ERP44: variants seen among roughly 807,000 people sequenced by gnomAD.
ERP44 encodes the protein endoplasmic reticulum resident protein 44.
In ERP44, 25 loss-of-function variants were observed where a neutral mutation model predicts 53.4. The ratio of observed to expected loss-of-function variants is 0.47; its 90% CI spans 0.34 to 0.65. The LOEUF (loss-of-function observed/expected upper bound fraction) is 0.65. Among genes scored for constraint, ERP44 ranks in the 30% least tolerant of loss-of-function variants. The pLI is 0.01. For synonymous variants in ERP44, 145 were observed against 161.2 expected, an observed-to-expected ratio of 0.90 and a Z score of 0.76; for missense variants, 338 against 493.2, an observed-to-expected ratio of 0.69 and a Z score of 2.98.
intron 10 of ERP44, among the ~76,000 whole-genome samples, chr9:99,988,827 C>CAAATACTG (rs1378297620): frequency 6.6e-6 from 1 of 152,212 alleles, no homozygotes; most frequent in African/African-American, 2.4e-5. Flanking sequence ...CATTCCCACC[C>CAAATACTG]AAATACTGCG....
intron 2 of ERP44, among the ~76,000 whole-genome samples, chr9:100,059,032 G>T (rs1826114160): frequency 6.6e-6 from 1 of 152,164 alleles, no homozygotes; most frequent in African/African-American, 2.4e-5. Flanking sequence ...CAGTTTCCTA[G>T]CAGTATAGAT....
intron 1 of ERP44, among the ~76,000 whole-genome samples, chr9:100,069,795 TAAAAA>T (rs1169689355): frequency 6.6e-6 from 1 of 152,092 alleles, no homozygotes; most frequent in African/African-American, 2.4e-5. Flanking sequence ...CATGGACAAA[TAAAAA>T]GAAACAAAAT....
chr9:100,092,436 A>G (rs919975812), intron 1 of ERP44, among the ~76,000 whole-genome samples: 1 of 152,222 alleles, frequency 6.6e-6, no homozygotes, highest in Non-Finnish European at 1.5e-5. Flanking sequence ...GAATCATTGA[A>G]TCATCAAATC....
intron 1 of ERP44, among the ~76,000 whole-genome samples, chr9:100,093,136 C>T (rs1826580366): frequency 6.6e-6 from 1 of 152,084 alleles, no homozygotes; most frequent in African/African-American, 2.4e-5. Context: ...AGCTACAGTG[C>T]ATTTAAAGGT....
chr9:100,093,481 TA>T (rs1011246814), intron 1 of ERP44, among the ~76,000 whole-genome samples: 7 of 152,116 alleles, frequency 4.6e-5, no homozygotes, highest in Non-Finnish European at 1.0e-4. Flanking sequence ...CTATCTCTAC[TA>T]AAAATACAAA....
intron 4 of ERP44, among the ~76,000 whole-genome samples, chr9:100,042,499 A>G (rs1453681286): frequency 1.3e-5 from 2 of 151,954 alleles, no homozygotes; most frequent in East Asian, 1.9e-4. Context: ...AACAGTTTGG[A>G]GGTGACTCAA....
At chr9:100,086,578 T>C (rs914328568) in intron 1 of ERP44, among the ~76,000 whole-genome samples, 3 of 152,244 alleles carry the variant, frequency 2.0e-5, no homozygotes, top group African/African-American at 4.8e-5. Context: ...CATCATACAA[T>C]GTCCTTTACA....
Position 100,022,104 on chromosome 9 carries a change from T to G in ERP44, c.409A>C (p.Arg137=). ...TGAATGGGGTCACTTTTTTGTTGCC[T>G]GATGTAATCTGCCAATGCTTTCACT... ...RSVKALADYI[R]QQKSDPIQEI... Residue 137 remains arginine (R), a synonymous_variant, in exon 5 of 12, where the codon AGG becomes CGG. Transcript: ENST00000262455. The G allele has an allele frequency of 6.2e-7, 1 of 1,613,940 alleles. No individual in the cohort carries two copies. Among genetic ancestry groups the G allele is most frequent in the Non-Finnish European group, 8.5e-7 (1 of 1,179,894 alleles).
At chr9:100,049,028 T>TA (rs869159741) in intron 4 of ERP44, among the ~76,000 whole-genome samples, 31 of 152,102 alleles carry the variant, frequency 2.0e-4, no homozygotes, top group Non-Finnish European at 4.3e-4. Flanking sequence ...ACAATTTTTT[T>TA]AAAAAAATAC....
intron 4 of ERP44, among the ~76,000 whole-genome samples, chr9:100,039,169 C>T (rs182036354): frequency 6.6e-6 from 1 of 152,248 alleles, no homozygotes; most frequent in African/African-American, 2.4e-5. Flanking sequence ...AGTTAACCTG[C>T]ACTATAAACC....
chr9:100,042,893 A>G (rs1825921695), intron 4 of ERP44, among the ~76,000 whole-genome samples: 1 of 151,900 alleles, frequency 6.6e-6, no homozygotes, highest in Admixed American at 6.6e-5. Context: ...GCATAGAAGG[A>G]TGGTTACCAA....
chr9:99,979,853 A>ACTT lies in ERP44; in HGVS notation c.*2756_*2758dup, dbSNP rs1327121717. 1 of 397,576 alleles carries ACTT rather than the reference A, an allele frequency of 2.5e-6. No homozygotes were observed. Among genetic ancestry groups the ACTT allele is most frequent in the Non-Finnish European group, 4.4e-6 (1 of 225,672 alleles). The allele number at this position is 397,576 out of a possible 1,614,324, so 24.6% of individuals were successfully genotyped here. A position where few individuals can be genotyped will look rare whatever the true frequency, so the allele number is the denominator to read the frequency against. On this transcript the variant is annotated 3_prime_UTR_variant, in exon 12 of 12. Transcript: ENST00000262455. ...GTGCTTCCACACTATTCTTTCTCAA[A>ACTT]CTTTAAAGTGAACATACTTCCTTGC...
At chr9:100,093,840 C>T (rs906460736) in intron 1 of ERP44, among the ~76,000 whole-genome samples, 17 of 152,304 alleles carry the variant, frequency 1.1e-4, no homozygotes, top group Middle Eastern at 3.4e-3. Flanking sequence ...GATACCATTT[C>T]TCACCCATCA....
chr9:100,054,017 A>G (rs879324478), intron 3 of ERP44, among the ~76,000 whole-genome samples: 6 of 152,166 alleles, frequency 3.9e-5, no homozygotes, highest in Non-Finnish European at 8.8e-5. Flanking sequence ...GTATATATAT[A>G]TCTCTTCTAG....
At chr9:100,036,847 G>A (rs1825852279) in intron 4 of ERP44, among the ~76,000 whole-genome samples, 1 of 151,708 alleles carries the variant, frequency 6.6e-6, no homozygotes. Flanking sequence ...TTATTAGAGG[G>A]TGGGAGGGGT....
chr9:99,998,153 T>C (rs575041086), intron 10 of ERP44: 1 of 196,886 alleles, frequency 5.1e-6, no homozygotes, highest in East Asian at 1.6e-4. Context: ...TTTAGAATGG[T>C]TTCTGTGTGT....
intron 10 of ERP44, among the ~76,000 whole-genome samples, chr9:99,992,059 C>A (rs574786146): frequency 2.6e-5 from 4 of 152,112 alleles, no homozygotes; most frequent in African/African-American, 9.7e-5. Flanking sequence ...CAGGACCAGA[C>A]GGATTCACAG....
chr9:100,060,184 A>C lies in ERP44; in HGVS notation c.58-12T>G, dbSNP rs1228806455. The C allele has an allele frequency of 6.7e-7, 1 of 1,490,992 alleles. No homozygotes were observed. The highest frequency in any genetic ancestry group is 8.9e-7 in the Non-Finnish European group (1 of 1,122,472). 92.4% of individuals were successfully genotyped at this position (1,490,992 alleles called of 1,614,324 possible). A position where few individuals can be genotyped will look rare whatever the true frequency, so the allele number is the denominator to read the frequency against. ...AAAACCCAAGTTACCTGAAAATTTA[A>C]AAAATGAGAAATTAATAAATGTGTC... On this transcript the variant is annotated splice_polypyrimidine_tract_variant and intron_variant, in intron 1 of 11. Transcript: ENST00000262455.
At chr9:100,025,530 T>G (rs987330959) in intron 4 of ERP44, among the ~76,000 whole-genome samples, 1 of 152,112 alleles carries the variant, frequency 6.6e-6, no homozygotes, top group African/African-American at 2.4e-5. Flanking sequence ...TTTTGTTATC[T>G]CTCAAAAGCA....
Sources: allele counts gnomAD v4.1 joint callset (sites outside exome capture counted in the v4.1 genomes callset), GRCh38; gene constraint gnomAD v4.1.1; transcripts MANE v1.5; gene names NCBI Gene and HGNC (gene_info 2026-07-23, HGNC 2026-07-21).